Variants in AMZ1 observed in about 807,000 individuals in gnomAD.
The protein encoded by AMZ1 is archaelysin family metallopeptidase 1, also known as archaemetzincin-1.
In AMZ1, 39 loss-of-function variants were observed where a neutral mutation model predicts 29.9. The ratio of observed to expected loss-of-function variants is 1.30; its 90% confidence interval spans 1.01 to 1.70. AMZ1 has a LOEUF of 1.70. Among genes scored for constraint, AMZ1 ranks in the 40% most tolerant of loss-of-function variants. The pLI, the probability that AMZ1 is intolerant of heterozygous loss-of-function variation, is 0.00. For missense variants in AMZ1, 1,041 were observed against 680.6 expected, an observed-to-expected ratio of 1.53 and a Z score of -5.89; for synonymous variants, 458 against 304.0, an observed-to-expected ratio of 1.51 and a Z score of -5.27.
Position 2,732,082 on chromosome 7 carries a change from A to AT in AMZ1, n.550+22271dup, listed in dbSNP as rs141698286. 9.8e-3 allele frequency among the ~76,000 whole-genome samples: 1,485 copies of AT among 152,162 alleles called. 18 individuals carry two copies. Among genetic ancestry groups the AT allele is most frequent in the African/African-American group, 0.034 (1,393 of 41,490 alleles). ...GTTTCCATACCAGAGATACCTTTTT[A>AT]TTTTTCTAACTCCTAAAGCTTATAG... On this transcript the variant is annotated intron_variant and non_coding_transcript_variant, in intron 4 of 4. Transcript: ENST00000489665.
chr7:2,735,651 G>A (rs973169793), intron 4 of AMZ1, among the ~76,000 whole-genome samples: 3 of 152,174 alleles, frequency 2.0e-5, no homozygotes, highest in African/African-American at 7.2e-5. Flanking sequence ...CTTTCTCCAC[G>A]ATGACTGAAT....
rs149183728 is a variant in AMZ1, at chr7:2,712,383, G to T, written c.1002G>T (p.Ala334=). The change falls in exon 7 of 7, where the codon GCG becomes GCT. Residue 334 remains alanine (A), a synonymous_variant. Coordinates refer to ENST00000683327, the MANE Select transcript of AMZ1 (RefSeq NM_001384743.1). ...AVVGTWPSQE[A]GEPSVWEDTP... is the part of the protein sequence containing the mutation. ...TGGGGACGTGGCCCAGCCAGGAGGC[G>T]GGGGAGCCGTCAGTGTGGGAGGACA... 1 of 1,608,190 alleles carries T rather than the reference G, an allele frequency of 6.2e-7. No individual in the cohort carries two copies. The highest frequency in any genetic ancestry group is 1.1e-5 in the South Asian group (1 of 90,378).
At chr7:2,728,494 A>C (rs1372634570) in intron 4 of AMZ1, 3 of 152,422 alleles carry the variant, frequency 2.0e-5, no homozygotes, top group African/African-American at 7.2e-5. Flanking sequence ...AAGAGTTAAA[A>C]ATAGATTTCA....
chr7:2,751,665 T>A (rs1758728735), intron 4 of AMZ1, among the ~76,000 whole-genome samples: 1 of 152,164 alleles, frequency 6.6e-6, no homozygotes, highest in South Asian at 2.1e-4. Flanking sequence ...ATCTCCAGTA[T>A]CAGGAATGAA....
At chr7:2,711,133 C>T (rs886454833) in intron 6 of AMZ1, among the ~76,000 whole-genome samples, 1 of 152,188 alleles carries the variant, frequency 6.6e-6, no homozygotes, top group Non-Finnish European at 1.5e-5. Context: ...TCTCTCCGTT[C>T]CGTGAGCACC....
At chr7:2,760,862 C>T (rs1791520184), upstream of AMZ1, among the ~76,000 whole-genome samples, 1 of 152,222 alleles carries the variant, frequency 6.6e-6, no homozygotes, top group South Asian at 2.1e-4. Flanking sequence ...ACACGAGGAA[C>T]AGAAGTTGTC....
At chr7:2,707,354 T>G (rs1788419560) in intron 3 of AMZ1, among the ~76,000 whole-genome samples, 1 of 151,908 alleles carries the variant, frequency 6.6e-6, no homozygotes, top group South Asian at 2.1e-4. Flanking sequence ...TAGAACTCCT[T>G]GGAAAACACT....
chr7:2,735,202 C>T (rs1456863879), intron 4 of AMZ1, among the ~76,000 whole-genome samples: 1 of 152,208 alleles, frequency 6.6e-6, no homozygotes, highest in Non-Finnish European at 1.5e-5. Context: ...TCGGGAGGTG[C>T]CACGCAAGCC....
intron 4 of AMZ1, chr7:2,728,289 C>T (rs912968547): frequency 5.3e-5 from 8 of 152,326 alleles, no homozygotes; most frequent in Non-Finnish European, 8.8e-5. Flanking sequence ...GGTTAGATGT[C>T]TGTGCCCAGA....
intron 1 of AMZ1, among the ~76,000 whole-genome samples, chr7:2,696,674 T>C (rs2115082037): frequency 6.6e-6 from 1 of 151,692 alleles, no homozygotes; most frequent in East Asian, 2.0e-4. Flanking sequence ...CACCTTGAGG[T>C]CAGGAGTTCA....
intron 4 of AMZ1, among the ~76,000 whole-genome samples, chr7:2,755,593 C>G (rs1412103654): frequency 6.6e-6 from 1 of 152,122 alleles, no homozygotes; most frequent in Non-Finnish European, 1.5e-5. Context: ...GTATATGGAT[C>G]TTGTATCCTG....
chr7:2,737,275 T>G (rs1445530705), intron 4 of AMZ1, among the ~76,000 whole-genome samples: 1 of 39,724 alleles, frequency 2.5e-5, no homozygotes, highest in African/African-American at 8.7e-5. Flanking sequence ...TTTTGTTTTG[T>G]TTTTTTTTTT....
At chr7:2,745,140 C>T (rs1259422807) in intron 4 of AMZ1, among the ~76,000 whole-genome samples, 1 of 152,160 alleles carries the variant, frequency 6.6e-6, no homozygotes, top group East Asian at 1.9e-4. Context: ...CAAGGCAGGC[C>T]AACATTCAAA....
rs879944539 is a variant in AMZ1, at chr7:2,715,293, G to T, written c.*2415G>T. ...ATATTGCTGTGGCCATTCATGAACA[G>T]TCAGTCAGCCCCACTCGGCGTTCAC... On this transcript the variant is annotated 3_prime_UTR_variant, in exon 7 of 7. Coordinates refer to ENST00000683327, the MANE Select transcript of AMZ1 (RefSeq NM_001384743.1). The T allele has an allele frequency of 2.6e-5, 4 of 152,372 alleles. No individual in the cohort carries two copies. The highest frequency in any genetic ancestry group is 4.4e-5 in the Non-Finnish European group (3 of 68,038). The allele number at this position is 152,372 out of a possible 1,614,324, so 9.4% of individuals were successfully genotyped here.
At chr7:2,725,508 G>A (rs1269412577) in intron 4 of AMZ1, among the ~76,000 whole-genome samples, 2 of 152,346 alleles carry the variant, frequency 1.3e-5, no homozygotes, top group East Asian at 1.9e-4. Context: ...AGTTCCAGAG[G>A]GTTCTGGAGG....
At chr7:2,723,409 C>G (rs1185098516), downstream of AMZ1, among the ~76,000 whole-genome samples, 1 of 152,260 alleles carries the variant, frequency 6.6e-6, no homozygotes, top group Non-Finnish European at 1.5e-5. Context: ...GTTCTTGATG[C>G]CCGAGTTTCA....
At chr7:2,712,267 G>C (rs1056485864) in intron 6 of AMZ1, 63 bp from the exon 7 acceptor site, 2 of 1,474,338 alleles carry the variant, frequency 1.4e-6, no homozygotes, top group Non-Finnish European at 1.8e-6. Flanking sequence ...AGGTCTCCTG[G>C]CAGTTCCCTG....
At position 2,716,993 on chromosome 7, in the gene AMZ1, G is replaced by A. The variant is rs77265803; in HGVS notation, c.*4115G>A. On this transcript the variant is annotated 3_prime_UTR_variant, in exon 7 of 7. Transcript: ENST00000683327. ...AGCTTTCTAAAAGCAAGCTGGAGCGGTCTGAGCAGGAAGAGAGTAAGAAGG... is the reference window on the plus strand; with the variant it reads ...AGCTTTCTAAAAGCAAGCTGGAGCGATCTGAGCAGGAAGAGAGTAAGAAGG... 1.2e-3 allele frequency among the ~76,000 whole-genome samples: 176 copies of A among 152,348 alleles called. 1 individual carries two copies. In the East Asian group the frequency reaches 0.019, roughly 16 times the overall value.
rs73675029 is a variant in AMZ1, at chr7:2,717,172, G to A, written c.*4294G>A. On this transcript the variant is annotated 3_prime_UTR_variant, in exon 7 of 7. Coordinates refer to ENST00000683327, the MANE Select transcript of AMZ1 (RefSeq NM_001384743.1). ...CTGGGTGGGTGGCCGGCACTCTTAG[G>A]TGAGGTGCCAACGAAAACACCCCCG... Among the ~76,000 whole-genome samples, 1,319 of 152,312 alleles carry A rather than the reference G, an allele frequency of 8.7e-3. 18 individuals are homozygous for A. The highest frequency in any genetic ancestry group is 0.03 in the African/African-American group (1,253 of 41,578).
Sources: gnomAD v4.1 joint callset for allele counts (sites outside exome capture counted in the v4.1 genomes callset) on GRCh38, gnomAD v4.1.1 for gene constraint, MANE v1.5 for transcripts, NCBI Gene and HGNC (gene_info 2026-07-23, HGNC 2026-07-21) for gene names.